FAM167A: variants seen among roughly 807,000 people sequenced by gnomAD.
FAM167A encodes the protein protein FAM167A.
FAM167A carries 23 observed loss-of-function variants against 14.9 expected under a neutral mutation model. The ratio of observed to expected loss-of-function variants is 1.55; its 90% CI spans 1.11 to 2.19. The LOEUF is 2.19. FAM167A is among the 30% of genes most tolerant of loss of function. FAM167A has a pLI of 0.00. For missense variants in FAM167A, 401 were observed against 281.5 expected, an observed-to-expected ratio of 1.42 and a Z score of -3.04; for synonymous variants, 174 against 117.7, an observed-to-expected ratio of 1.48 and a Z score of -3.10.
intron 1 of FAM167A, among the ~76,000 whole-genome samples, chr8:11,466,121 A>C (rs960791134): frequency 6.6e-6 from 1 of 151,862 alleles, no homozygotes; most frequent in African/African-American, 2.4e-5. Flanking sequence ...CCGTTCCCTC[A>C]GGTCACACTG....
upstream of FAM167A, among the ~76,000 whole-genome samples, chr8:11,471,713 G>A (rs1179407316): frequency 6.6e-6 from 1 of 152,218 alleles, no homozygotes; most frequent in Non-Finnish European, 1.5e-5. Context: ...CTTTCTCCAG[G>A]CAAGATGGCC....
At position 11,444,407 on chromosome 8, in the gene FAM167A, G is replaced by C; in HGVS notation, c.5C>G (p.Ser2Cys). ...TTCTTCCACGTGGATCTGGGGCACA[G>C]ACATTCTACAGTCTGCCCTGGCAGC... M[S>C]VPQIHVEEVG... Residue 2 changes from serine (S) to cysteine (C), a missense_variant, in exon 2 of 3, where the codon TCT becomes TGT. By Grantham distance (112) the Ser-to-Cys change is moderately radical. Coordinates refer to ENST00000284486, the MANE Select transcript of FAM167A (RefSeq NM_053279.3). 6.5e-7 allele frequency: 1 copy of C among 1,543,736 alleles called. No homozygotes were observed. Among genetic ancestry groups the C allele is most frequent in the Non-Finnish European group, 8.7e-7 (1 of 1,145,444 alleles).
rs1804845374 is a variant in FAM167A at position 11,422,748 on chromosome 8, A to C, written c.*1625T>G. On this transcript the variant is annotated 3_prime_UTR_variant, in exon 3 of 3. Transcript: ENST00000284486. ...TGTGGGTCACGATGTGTGGGTGGAC[A>C]CGGGCCCCACTGAGATTACACAGGA... 2 of 152,216 alleles carry C rather than the reference A, an allele frequency of 1.3e-5. No homozygotes were observed. The highest frequency in any genetic ancestry group is 4.2e-4 in the South Asian group (2 of 4,818). 9.4% of individuals were successfully genotyped at this position (152,216 alleles called of 1,614,324 possible). A position where few individuals can be genotyped will look rare whatever the true frequency, so the allele number is the denominator to read the frequency against.
At chr8:11,454,664 C>A (rs531054102) in intron 1 of FAM167A, among the ~76,000 whole-genome samples, 1 of 152,198 alleles carries the variant, frequency 6.6e-6, no homozygotes, top group Non-Finnish European at 1.5e-5. Flanking sequence ...AAAGGCAAAT[C>A]CCTTTGTTCT....
At chr8:11,452,594 CT>C (rs1258325132) in intron 1 of FAM167A, among the ~76,000 whole-genome samples, 1 of 152,200 alleles carries the variant, frequency 6.6e-6, no homozygotes, top group Non-Finnish European at 1.5e-5. Context: ...CATCATCAGC[CT>C]CCACCCCACG....
At chr8:11,430,697 G>A (rs555688989) in intron 2 of FAM167A, among the ~76,000 whole-genome samples, 81 of 152,132 alleles carry the variant, frequency 5.3e-4, no homozygotes, top group Non-Finnish European at 1.1e-3. Context: ...TAATTAAATG[G>A]GTCTGGAAGA....
chr8:11,456,121 A>G (rs111540757), intron 1 of FAM167A, among the ~76,000 whole-genome samples: 290 of 7,934 alleles, frequency 0.037, no homozygotes, highest in African/African-American at 0.079. Context: ...TGAATGTGGG[A>G]GGTGGTTGCC....
intron 2 of FAM167A, among the ~76,000 whole-genome samples, chr8:11,432,176 A>T (rs12115021): frequency 6.6e-6 from 1 of 152,088 alleles, no homozygotes; most frequent in African/African-American, 2.4e-5. Flanking sequence ...ATCTGCTCCA[A>T]TACTTTCTCT....
chr8:11,432,747 TAA>T (rs1805701251), intron 2 of FAM167A, among the ~76,000 whole-genome samples: 1 of 152,216 alleles, frequency 6.6e-6, no homozygotes, highest in African/African-American at 2.4e-5. Flanking sequence ...CATTCTATGA[TAA>T]AGACACATGC....
At chr8:11,447,932 A>G (rs1357844610) in intron 1 of FAM167A, among the ~76,000 whole-genome samples, 2 of 152,214 alleles carry the variant, frequency 1.3e-5, no homozygotes, top group Non-Finnish European at 2.9e-5. Flanking sequence ...GCCGTGGCTC[A>G]TATCTGTAAT....
chr8:11,432,489 A>G (rs544269927), intron 2 of FAM167A, among the ~76,000 whole-genome samples: 2 of 152,372 alleles, frequency 1.3e-5, no homozygotes, highest in Admixed American at 1.3e-4. Flanking sequence ...ACTGGTCATT[A>G]GAGAAATGCA....
At chr8:11,473,845 G>A (rs901019128) in intron 1 of FAM167A, among the ~76,000 whole-genome samples, 1 of 151,914 alleles carries the variant, frequency 6.6e-6, no homozygotes, top group East Asian at 1.9e-4. Flanking sequence ...TGGTTTTTTT[G>A]TTTGTTTCTT....
At chr8:11,434,633 C>T (rs1455618371) in intron 2 of FAM167A, among the ~76,000 whole-genome samples, 1 of 152,126 alleles carries the variant, frequency 6.6e-6, no homozygotes, top group Non-Finnish European at 1.5e-5. Flanking sequence ...AAGGTGTGGG[C>T]CAAACTACAC....
chr8:11,448,460 CAG>C (rs1806879829), intron 1 of FAM167A, among the ~76,000 whole-genome samples: 1 of 152,216 alleles, frequency 6.6e-6, no homozygotes. Context: ...CATAACCTAT[CAG>C]AGTTATATCA....
intron 1 of FAM167A, among the ~76,000 whole-genome samples, chr8:11,450,646 C>CTGGACCCTCCAGTACT (rs1806986384): frequency 6.6e-6 from 1 of 152,208 alleles, no homozygotes; most frequent in Non-Finnish European, 1.5e-5. Flanking sequence ...GCCTTTTATG[C>CTGGACCCTCCAGTACT]TGGACCCTCC....
Position 11,444,436 on chromosome 8 carries a change from A to G in FAM167A, c.-25T>C. ...TTCTACAGTCTGCCCTGGCAGCCGGACATGCGAGGGCACGGGGGGCGCAGG... is the reference window on the plus strand; with the variant it reads ...TTCTACAGTCTGCCCTGGCAGCCGGGCATGCGAGGGCACGGGGGGCGCAGG... On this transcript the variant is annotated 5_prime_UTR_variant, in exon 2 of 3. Transcript: ENST00000284486. The G allele has an allele frequency of 6.6e-7, 1 of 1,514,160 alleles. No individual in the cohort carries two copies. The highest frequency in any genetic ancestry group is 1.3e-5 in the South Asian group (1 of 76,692). 93.8% of individuals were successfully genotyped at this position (1,514,160 alleles called of 1,614,324 possible).
Position 11,421,567 on chromosome 8 carries a change from G to A in FAM167A, c.*2806C>T. On this transcript the variant is annotated 3_prime_UTR_variant, in exon 3 of 3. Transcript: ENST00000284486. ...AAACAAATAATCATAAAAAATAAAA[G>A]TATAAATCGTCCATTGATTATGTAA... 2.5e-6 allele frequency: 1 copy of A among 397,368 alleles called. No individual in the cohort carries two copies. The highest frequency in any genetic ancestry group is 4.4e-6 in the Non-Finnish European group (1 of 225,632). 24.6% of individuals were successfully genotyped at this position (397,368 alleles called of 1,614,324 possible).
At position 11,430,228 on chromosome 8, in the gene FAM167A, T is replaced by C. The variant is rs1023567282; in HGVS notation, c.382-5592A>G. On this transcript the variant is annotated intron_variant, in intron 2 of 2. Transcript: ENST00000284486. ...GCCTGTAATCCCAGCAACCCCATAA[T>C]TAGGGCACAGAACTTGTTGAAAGGG... Among the ~76,000 whole-genome samples, 4 of 152,164 alleles carry C rather than the reference T, an allele frequency of 2.6e-5. No individual in the cohort carries two copies. In the South Asian group the frequency reaches 8.3e-4, roughly 32 times the overall value.
At chr8:11,455,647 TGG>T (rs1807221768) in intron 1 of FAM167A, among the ~76,000 whole-genome samples, 1 of 75,976 alleles carries the variant, frequency 1.3e-5, no homozygotes, top group African/African-American at 5.5e-5. Flanking sequence ...GTGTGAGTGT[TGG>T]GGGTGGTTGC....
Sources: gnomAD v4.1 joint callset for allele counts (sites outside exome capture counted in the v4.1 genomes callset) on GRCh38, gnomAD v4.1.1 for gene constraint, MANE v1.5 for transcripts, NCBI Gene and HGNC (gene_info 2026-07-23, HGNC 2026-07-21) for gene names.